TTC21A: variants seen among roughly 807,000 people sequenced by gnomAD.
TTC21A encodes the protein tetratricopeptide repeat domain 21A, also known as tetratricopeptide repeat protein 21A.
A neutral mutation model predicts 156.4 loss-of-function variants in TTC21A; 128 were observed. That is an observed-to-expected ratio of 0.82 (90% confidence interval 0.71 to 0.95). The LOEUF (loss-of-function observed/expected upper bound fraction) is 0.95. Ranked by LOEUF, TTC21A falls within the 40% of genes least tolerant of loss-of-function variation. TTC21A has a pLI of 0.00. For synonymous variants in TTC21A, 587 were observed against 617.1 expected (o/e 0.95, Z 0.72); for missense variants, 1,435 against 1,602.3 (o/e 0.90, Z 1.78).
intron 12 of TTC21A, 148 bp from the exon 13 acceptor site, chr3:39,128,183 C>G (rs921559935): frequency 2.2e-6 from 2 of 898,230 alleles, no homozygotes; most frequent in African/African-American, 1.7e-5. Flanking sequence ...GAAATGGACC[C>G]CTGAGTGAAG....
Position 39,138,651 on chromosome 3 carries a change from C to G in TTC21A, c.3864+28C>G, listed in dbSNP as rs200665377. ...AAGCCAGCAGCCTTGGTGGGGAGGG[C>G]CTGGTGTAGTGGTGGGGAAACCTGC... On this transcript the variant is annotated intron_variant, in intron 28 of 28. Transcript: ENST00000683103. 12 of 1,613,938 alleles carry G rather than the reference C, an allele frequency of 7.4e-6. No homozygotes were observed. The Admixed American group carries it at 2.0e-4, about 27-fold the overall frequency.
rs777877130 is a variant in TTC21A at position 39,138,294 on chromosome 3, G to A, written c.3703G>A (p.Gly1235Ser). 4 of 1,614,166 alleles carry A rather than the reference G, an allele frequency of 2.5e-6. No homozygotes were observed. The highest frequency in any genetic ancestry group is 3.4e-6 in the Non-Finnish European group (4 of 1,180,018). Residue 1235 changes from glycine (G) to serine (S), a missense_variant, in exon 27 of 29, where the codon GGC becomes AGC. By Grantham distance (56) the Gly-to-Ser change is moderately conservative. Coordinates refer to ENST00000683103, the MANE Select transcript of TTC21A (RefSeq NM_001366900.1). The part of the protein sequence containing the change: ...KSCYKAYEYM[G>S]FIMEKEQSYK... ...CTGCTACAAGGCCTATGAGTACATG[G>A]GCTTCATCATGGAGAAGGAGCAGTC...
intron 19 of TTC21A, among the ~76,000 whole-genome samples, chr3:39,132,373 C>T (rs569050460): frequency 4.6e-5 from 7 of 152,280 alleles, no homozygotes; most frequent in Non-Finnish European, 1.0e-4. Context: ...CGAGAGCCCC[C>T]GGCCATTCCT....
At chr3:39,133,424 G>A (rs1042200320) in intron 20 of TTC21A, among the ~76,000 whole-genome samples, 184 bp downstream of exon 20, 7 of 152,218 alleles carry the variant, frequency 4.6e-5, no homozygotes, top group Non-Finnish European at 1.0e-4. Context: ...TGCTGACCTG[G>A]GGCCTCACCT....
At chr3:39,131,152 G>C (rs2038704049) in intron 19 of TTC21A, 57 bp downstream of exon 19, 1 of 1,433,592 alleles carries the variant, frequency 7.0e-7, no homozygotes, top group African/African-American at 1.4e-5. Context: ...GGGGCTGAAG[G>C]AGGAGGAAGG....
At chr3:39,109,963 G>A in intron 2 of TTC21A, 66 bp from the exon 3 acceptor site, 1 of 1,207,550 alleles carries the variant, frequency 8.3e-7, no homozygotes, top group South Asian at 1.3e-5. Flanking sequence ...TGTTGGGTCA[G>A]CTACAGAGTC....
intron 11 of TTC21A, 95 bp from the exon 12 acceptor site, chr3:39,126,165 CA>C: frequency 6.7e-7 from 1 of 1,481,832 alleles, no homozygotes; most frequent in Non-Finnish European, 9.3e-7. Flanking sequence ...TGGAATGAAG[CA>C]AAATTCCTTC....
chr3:39,118,698 C>T (rs1434997991), intron 7 of TTC21A: 2 of 154,146 alleles, frequency 1.3e-5, no homozygotes, highest in Non-Finnish European at 2.9e-5. Flanking sequence ...AAAAATAGCC[C>T]TCAAATGCAG....
intron 4 of TTC21A, 85 bp from the exon 5 acceptor site, chr3:39,112,373 G>A: frequency 6.8e-7 from 1 of 1,467,596 alleles, no homozygotes; most frequent in Non-Finnish European, 9.5e-7. Context: ...TCAGGGTTTT[G>A]GGTGGCAAAG....
At chr3:39,126,116 C>A in intron 11 of TTC21A, 145 bp from the exon 12 acceptor site, 2 of 1,004,052 alleles carry the variant, frequency 2.0e-6, no homozygotes, top group Non-Finnish European at 3.0e-6. Context: ...GGAGCTCGTG[C>A]TCTAAGCACT....
At position 39,136,660 on chromosome 3, in the gene TTC21A, C is replaced by A; in HGVS notation, c.3095+153C>A. The A allele has an allele frequency of 4.5e-6, 5 of 1,109,890 alleles. No homozygotes were observed. The South Asian group carries it at 6.3e-5, about 14-fold the overall frequency. 68.8% of individuals were successfully genotyped at this position (1,109,890 alleles called of 1,614,324 possible). On this transcript the variant is annotated intron_variant, in intron 23 of 28. Coordinates refer to ENST00000683103, the MANE Select transcript of TTC21A (RefSeq NM_001366900.1). ...AGGGCCCATGGGGGCAGGGGTGGAA[C>A]CCTGTGGAAGTCAGGGAGAGCCTGC...
intron 23 of TTC21A, 80 bp downstream of exon 23, chr3:39,136,587 C>A: frequency 6.6e-7 from 1 of 1,505,566 alleles, no homozygotes; most frequent in Non-Finnish European, 9.0e-7. Context: ...TTGCTCTGCA[C>A]AAAAGGAGCA....
Position 39,134,484 on chromosome 3 carries a change from T to A in TTC21A, c.2862+156T>A. On this transcript the variant is annotated intron_variant, in intron 21 of 28. Transcript: ENST00000683103. The surrounding 1 kb of genome is among the most constrained non-coding windows in gnomAD (Gnocchi z 4.6). The stretch of plus-strand genomic sequence containing the variant: ...GGCAGAGAGGACTCAGTGCTGCACC[T>A]ACTCTGCCCTTTAGCCGGAAGCGGT... 1.4e-6 allele frequency: 1 copy of A among 706,378 alleles called. No homozygotes were observed. Among genetic ancestry groups the A allele is most frequent in the Non-Finnish European group, 2.6e-6 (1 of 384,014 alleles). The allele number at this position is 706,378 out of a possible 1,614,324, so 43.8% of individuals were successfully genotyped here.
chr3:39,131,736 A>T (rs1204584085), intron 19 of TTC21A: 1 of 152,242 alleles, frequency 6.6e-6, no homozygotes, highest in Admixed American at 6.5e-5. Flanking sequence ...CGAGCATGCT[A>T]ACATGCTTGC....
rs375747384 is a variant in TTC21A at position 39,133,083 on chromosome 3, G to A, written c.2594G>A (p.Arg865Gln). ...GACCTCCAGTCTCGGATACTGAAGC[G>A]AGTTCCACTGGAGCAACCAGAAATG... ...ALDLQSRILKRVPLEQPEMIP... is the reference protein window; with the variant it reads ...ALDLQSRILKQVPLEQPEMIP... The change falls in exon 20 of 29, where the codon CGA (arginine) becomes CAA (glutamine). Residue 865 changes from arginine to glutamine, a missense_variant. By Grantham distance (43) the Arg-to-Gln change is conservative. Coordinates refer to ENST00000683103, the MANE Select transcript of TTC21A (RefSeq NM_001366900.1). The A allele has an allele frequency of 1.4e-5, 22 of 1,614,078 alleles. No homozygotes were observed. Among genetic ancestry groups the A allele is most frequent in the Admixed American group, 6.7e-5 (4 of 60,004 alleles).
intron 3 of TTC21A, 94 bp from the exon 4 acceptor site, chr3:39,110,757 C>G (rs7613766): frequency 0.34 from 472,329 of 1,388,992 alleles, 88,638 homozygotes; most frequent in African/African-American, 0.78. Context: ...GGGGGAGACC[C>G]CGAGGTAGTT....
At chr3:39,121,893 C>T (rs904054101) in intron 9 of TTC21A, among the ~76,000 whole-genome samples, 4 of 152,194 alleles carry the variant, frequency 2.6e-5, no homozygotes, top group Admixed American at 6.5e-5. Context: ...GGCTCCTCAT[C>T]TGCATAGCAC....
chr3:39,110,379 T>C, intron 3 of TTC21A: 1 of 590,508 alleles, frequency 1.7e-6, no homozygotes, highest in East Asian at 2.9e-5. Flanking sequence ...GAGGGGCCCA[T>C]GCTCCAGATC....
In TTC21A at chr3:39,130,595, A is replaced by G. The variant is rs567243227; in HGVS notation, c.2320-106A>G. Reference sequence around the variant, plus strand: ...GAGGAGTGCCTTTTCACTTTAGGCTATGTTCTGGAGGGGCACACTGGTGTG... The same window carrying G: ...GAGGAGTGCCTTTTCACTTTAGGCTGTGTTCTGGAGGGGCACACTGGTGTG... On this transcript the variant is annotated intron_variant, in intron 17 of 28. Coordinates refer to ENST00000683103, the MANE Select transcript of TTC21A (RefSeq NM_001366900.1). The surrounding 1 kb of genome is among the most constrained non-coding windows in gnomAD (Gnocchi z 4.5). The G allele has an allele frequency of 1.8e-5, 25 of 1,427,042 alleles. No homozygotes were observed. The East Asian group carries it at 4.8e-4, about 27-fold the overall frequency. The allele number at this position is 1,427,042 out of a possible 1,614,324, so 88.4% of individuals were successfully genotyped here. A position where few individuals can be genotyped will look rare whatever the true frequency, so the allele number is the denominator to read the frequency against.
Sources: allele counts gnomAD v4.1 joint callset (sites outside exome capture counted in the v4.1 genomes callset), GRCh38; gene constraint gnomAD v4.1.1; non-coding constraint Gnocchi (gnomAD v3.1); transcripts MANE v1.5; gene names NCBI Gene and HGNC (gene_info 2026-07-23, HGNC 2026-07-21).